Variants in CFAP299 observed in about 807,000 individuals in gnomAD.
CFAP299 encodes cilia and flagella associated protein 299.
In CFAP299, 21 loss-of-function variants were observed where a neutral mutation model predicts 27.0. The observed-to-expected ratio is 0.78, with a 90% CI of 0.55 to 1.12. The LOEUF (loss-of-function observed/expected upper bound fraction) is 1.12, where lower values mean the gene tolerates loss of function less well. Among genes scored for constraint, CFAP299 ranks in the 50% most tolerant of loss-of-function variants. CFAP299 has a pLI of 0.00. For missense variants in CFAP299, 310 were observed against 276.6 expected (o/e 1.12, Z -0.86); for synonymous variants, 104 against 98.1 (o/e 1.06, Z -0.36).
chr4:80,783,780 T>C (rs953329181), intron 3 of CFAP299, among the ~76,000 whole-genome samples: 1 of 152,182 alleles, frequency 6.6e-6, no homozygotes, highest in African/African-American at 2.4e-5. Flanking sequence ...TAAATTGTAA[T>C]ATTGCAACCT....
Position 80,661,325 on chromosome 4 carries a change from C to CAA in CFAP299, c.333+78161_333+78162dup, listed in dbSNP as rs760056982. ...TGGGTGACAGAGCACAACTCCATCT[C>CAA]AAAAAAAAAAAAAAAAAAAATGTTG... On this transcript the variant is annotated intron_variant, in intron 3 of 5. Coordinates refer to ENST00000358105, the MANE Select transcript of CFAP299 (RefSeq NM_152770.3). Among the ~76,000 whole-genome samples, 152 of 62,922 alleles carry CAA rather than the reference C, an allele frequency of 2.4e-3. 4 individuals carry two copies. The highest frequency in any genetic ancestry group is 0.014 in the East Asian group (33 of 2,322). 41.3% of individuals were successfully genotyped at this position (62,922 alleles called of 152,430 possible). A position where few individuals can be genotyped will look rare whatever the true frequency, so the allele number is the denominator to read the frequency against.
chr4:80,803,603 T>C (rs978020401), intron 3 of CFAP299, among the ~76,000 whole-genome samples: 1 of 151,818 alleles, frequency 6.6e-6, no homozygotes, highest in Admixed American at 6.6e-5. Context: ...AATAGAAACA[T>C]GACACCAGTT....
chr4:80,888,072 A>G (rs960287046), intron 4 of CFAP299, among the ~76,000 whole-genome samples: 2 of 152,086 alleles, frequency 1.3e-5, no homozygotes, highest in African/African-American at 4.8e-5. Flanking sequence ...AGGAAAGAAG[A>G]AAGAGAAGAC....
intron 3 of CFAP299, among the ~76,000 whole-genome samples, chr4:80,741,196 T>TAC (rs71664817): frequency 0.39 from 58,511 of 151,736 alleles, 15,023 homozygotes; most frequent in African/African-American, 0.73. Flanking sequence ...GTCCACAGCA[T>TAC]TCCCTGGGTA....
At chr4:80,665,759 G>A (rs539799669) in intron 3 of CFAP299, among the ~76,000 whole-genome samples, 2 of 152,282 alleles carry the variant, frequency 1.3e-5, no homozygotes, top group Middle Eastern at 3.4e-3. Flanking sequence ...CTAGGGTGAA[G>A]TGATTAGATT....
At chr4:80,402,742 C>G (rs1726226581) in intron 2 of CFAP299, among the ~76,000 whole-genome samples, 1 of 152,190 alleles carries the variant, frequency 6.6e-6, no homozygotes, top group Non-Finnish European at 1.5e-5. Context: ...TAACAATATT[C>G]TCCTGCCTCA....
At chr4:80,891,673 C>T (rs1382688902) in intron 4 of CFAP299, among the ~76,000 whole-genome samples, 42 of 110,424 alleles carry the variant, frequency 3.8e-4, no homozygotes, top group African/African-American at 1.3e-3. Context: ...CTAGATGACA[C>T]GTTAGTGGGT....
chr4:80,857,784 G>A (rs1732016500), intron 3 of CFAP299, among the ~76,000 whole-genome samples: 1 of 152,158 alleles, frequency 6.6e-6, no homozygotes, highest in African/African-American at 2.4e-5. Context: ...TAAGCTTTTT[G>A]ATGTGCTGCT....
intron 2 of CFAP299, among the ~76,000 whole-genome samples, chr4:80,396,455 A>G (rs909932388): frequency 1.3e-5 from 2 of 152,178 alleles, no homozygotes; most frequent in Non-Finnish European, 2.9e-5. Flanking sequence ...ATTTTCAGTT[A>G]CTGAGTTCTA....
the CFAP299 span, among the ~76,000 whole-genome samples, chr4:80,324,338 A>G: frequency 6.6e-6 from 1 of 152,224 alleles, no homozygotes; most frequent in Non-Finnish European, 1.5e-5. Context: ...GGCAGTTATT[A>G]TCAAAGCCTC....
intron 5 of CFAP299, among the ~76,000 whole-genome samples, chr4:80,949,989 A>G (rs1446474716): frequency 6.6e-6 from 1 of 152,216 alleles, no homozygotes; most frequent in Non-Finnish European, 1.5e-5. Context: ...GACTGGAAGT[A>G]GAGGTCCTGC....
upstream of CFAP299, among the ~76,000 whole-genome samples, chr4:80,332,948 T>A (rs182990884): frequency 1.3e-5 from 2 of 152,326 alleles, no homozygotes; most frequent in Admixed American, 1.3e-4. Context: ...CAAGTTTTTC[T>A]CTGTTCCAAA....
intron 2 of CFAP299, among the ~76,000 whole-genome samples, chr4:80,408,905 A>C (rs1022517632): frequency 6.6e-5 from 10 of 151,996 alleles, no homozygotes; most frequent in African/African-American, 2.2e-4. Flanking sequence ...CTAAGGAATA[A>C]AATGGTTAAG....
rs1171136169 is a variant in CFAP299, at chr4:80,390,920, CATATGT to C, written c.242+28041_242+28046del. On this transcript the variant is annotated intron_variant, in intron 2 of 5. Coordinates refer to ENST00000358105, the MANE Select transcript of CFAP299 (RefSeq NM_152770.3). ...ACATATGCATATATGTATATACACA[CATATGT>C]ATATATGTATATATGTATGTACACA... is the stretch of plus-strand genomic sequence containing the variant. Among the ~76,000 whole-genome samples the C allele has an allele frequency of 6.9e-4, 77 of 111,392 alleles. 1 individual carries two copies. The highest frequency in any genetic ancestry group is 1.6e-3 in the African/African-American group (43 of 26,674). 73.1% of individuals were successfully genotyped at this position (111,392 alleles called of 152,430 possible). A position where few individuals can be genotyped will look rare whatever the true frequency, so the allele number is the denominator to read the frequency against.
In CFAP299 at chr4:80,624,346, G is replaced by A. The variant is rs79216513; in HGVS notation, c.333+41163G>A. ...CAAATCCTGGAGCTTAAAAATACAAGGAATAAAATGAAAAATTCAATAGAT... is the reference window on the plus strand; with the variant it reads ...CAAATCCTGGAGCTTAAAAATACAAAGAATAAAATGAAAAATTCAATAGAT... On this transcript the variant is annotated intron_variant, in intron 3 of 5. Transcript: ENST00000358105. Among the ~76,000 whole-genome samples, 239 of 151,062 alleles carry A rather than the reference G, an allele frequency of 1.6e-3. 7 individuals are homozygous for A. In the East Asian group the frequency reaches 0.042, roughly 26 times the overall value.
intron 1 of CFAP299, among the ~76,000 whole-genome samples, chr4:80,345,326 C>T (rs1392035292): frequency 6.6e-6 from 1 of 151,750 alleles, no homozygotes; most frequent in East Asian, 1.9e-4. Context: ...GCATAACGTG[C>T]AGGTTTGTTA....
chr4:80,353,587 C>T (rs1337672207), intron 1 of CFAP299, among the ~76,000 whole-genome samples: 3 of 152,206 alleles, frequency 2.0e-5, no homozygotes, highest in Non-Finnish European at 4.4e-5. Context: ...CCAACTCTAA[C>T]CTTTCTATCT....
intron 2 of CFAP299, among the ~76,000 whole-genome samples, chr4:80,363,356 C>T (rs1384490523): frequency 2.0e-5 from 3 of 152,024 alleles, no homozygotes; most frequent in Non-Finnish European, 4.4e-5. Flanking sequence ...TTATATTAAA[C>T]ATAAATGTAA....
intron 3 of CFAP299, among the ~76,000 whole-genome samples, chr4:80,814,972 C>T (rs1729349645): frequency 1.3e-5 from 2 of 152,002 alleles, no homozygotes; most frequent in African/African-American, 4.8e-5. Flanking sequence ...TTGACCAATG[C>T]AGTCAGCTCC....
Sources: gnomAD v4.1 joint callset for allele counts (sites outside exome capture counted in the v4.1 genomes callset) on GRCh38, gnomAD v4.1.1 for gene constraint, MANE v1.5 for transcripts, NCBI Gene and HGNC (gene_info 2026-07-23, HGNC 2026-07-21) for gene names.